Variants in MB21D2 observed in about 807,000 individuals in gnomAD.
MB21D2 encodes the protein Mab-21 domain containing 2.
Under a neutral mutation model 33.3 loss-of-function variants are expected in MB21D2, and 9 were observed. The ratio of observed to expected loss-of-function variants is 0.27; its 90% CI spans 0.16 to 0.47. MB21D2 has a LOEUF of 0.47. MB21D2 is among the 20% of genes least tolerant of loss of function. The pLI, the probability that MB21D2 is intolerant of heterozygous loss-of-function variation, is 0.99. For missense variants in MB21D2, 540 were observed against 624.6 expected, an observed-to-expected ratio of 0.86 and a Z score of 1.44; for synonymous variants, 241 against 236.3, an observed-to-expected ratio of 1.02 and a Z score of -0.18.
At chr3:192,859,190 T>C (rs1054143080) in intron 1 of MB21D2, among the ~76,000 whole-genome samples, 3 of 152,108 alleles carry the variant, frequency 2.0e-5, no homozygotes, top group Non-Finnish European at 4.4e-5. Flanking sequence ...TTCACCTCAA[T>C]GAGAAGAGCA....
chr3:192,894,866 C>T (rs1312543498), intron 1 of MB21D2, among the ~76,000 whole-genome samples: 4 of 152,164 alleles, frequency 2.6e-5, no homozygotes, highest in Non-Finnish European at 5.9e-5. Context: ...CTTTTTCTCA[C>T]CTCATCACAA....
intron 1 of MB21D2, among the ~76,000 whole-genome samples, chr3:192,845,166 T>G (rs1044490733): frequency 6.6e-6 from 1 of 152,192 alleles, no homozygotes; most frequent in Non-Finnish European, 1.5e-5. Flanking sequence ...TACAGAAAAG[T>G]AACAGAAGGA....
chr3:192,839,002 T>C (rs1441224134), intron 1 of MB21D2, among the ~76,000 whole-genome samples: 1 of 152,170 alleles, frequency 6.6e-6, no homozygotes, highest in Non-Finnish European at 1.5e-5. Context: ...TTTCCCACTT[T>C]TAGCTATGTA....
At chr3:192,814,673 T>G (rs574134398) in intron 1 of MB21D2, among the ~76,000 whole-genome samples, 2 of 151,828 alleles carry the variant, frequency 1.3e-5, no homozygotes, top group South Asian at 4.2e-4. Flanking sequence ...CCATCCTGGC[T>G]AACACGGTGA....
Position 192,798,186 on chromosome 3 carries a change from C to A in MB21D2, c.*200G>T, listed in dbSNP as rs190751644. 214 of 566,342 alleles carry A rather than the reference C, an allele frequency of 3.8e-4. No individual in the cohort carries two copies. The highest frequency in any genetic ancestry group is 3.7e-3 in the African/African-American group (197 of 53,558). 35.1% of individuals were successfully genotyped at this position (566,342 alleles called of 1,614,324 possible). ...CATGACAATAACTACAAAAAGTAAA[C>A]AACGAAATCAGAGGCAGAATATGAA... On this transcript the variant is annotated 3_prime_UTR_variant, in exon 2 of 2. Coordinates refer to ENST00000392452, the MANE Select transcript of MB21D2 (RefSeq NM_178496.4). The surrounding 1 kb of genome is among the most constrained non-coding windows in gnomAD (Gnocchi z 4.8).
At chr3:192,901,623 C>T (rs1052357902) in intron 1 of MB21D2, among the ~76,000 whole-genome samples, 1 of 152,076 alleles carries the variant, frequency 6.6e-6, no homozygotes, top group Non-Finnish European at 1.5e-5. Context: ...CATATGCCCT[C>T]GGAAAGCAGG....
At chr3:192,818,523 T>C (rs1711975657) in intron 1 of MB21D2, among the ~76,000 whole-genome samples, 1 of 152,212 alleles carries the variant, frequency 6.6e-6, no homozygotes, top group South Asian at 2.1e-4. Context: ...GTTCAGAAAG[T>C]ATGTGGCTTT....
intron 1 of MB21D2, among the ~76,000 whole-genome samples, chr3:192,812,466 T>C (rs1711809991): frequency 6.6e-6 from 1 of 152,110 alleles, no homozygotes; most frequent in Admixed American, 6.5e-5. Flanking sequence ...AATCAGTAAA[T>C]AGATGGTGGA....
chr3:192,845,887 T>C lies in MB21D2; in HGVS notation c.212-46237A>G, dbSNP rs560075529. Among the ~76,000 whole-genome samples the C allele has an allele frequency of 1.3e-4, 20 of 152,192 alleles. No individual in the cohort carries two copies. The South Asian group carries it at 3.9e-3, about 30-fold the overall frequency. The stretch of plus-strand genomic sequence containing the variant: ...TGAGGCCAGGAGTTCGAGATCAGCC[T>C]GGGCAATACAGTGAGACCCTGTCTC... On this transcript the variant is annotated intron_variant, in intron 1 of 1. Transcript: ENST00000392452.
At chr3:192,805,739 C>T (rs1406253804) in intron 1 of MB21D2, among the ~76,000 whole-genome samples, 1 of 152,122 alleles carries the variant, frequency 6.6e-6, no homozygotes, top group Non-Finnish European at 1.5e-5. Flanking sequence ...AAAAAACAAA[C>T]AAATTGATGA....
At chr3:192,908,049 T>C (rs925218706) in intron 1 of MB21D2, among the ~76,000 whole-genome samples, 4 of 152,292 alleles carry the variant, frequency 2.6e-5, no homozygotes, top group South Asian at 2.1e-4. Flanking sequence ...TTAAGGAATG[T>C]AGAAAAACTT....
At chr3:192,851,375 C>G (rs1476936986) in intron 1 of MB21D2, among the ~76,000 whole-genome samples, 1 of 151,656 alleles carries the variant, frequency 6.6e-6, no homozygotes, top group Non-Finnish European at 1.5e-5. Flanking sequence ...AAGGTGACTG[C>G]TAATGAGTAT....
At chr3:192,814,508 C>A (rs148956764) in intron 1 of MB21D2, among the ~76,000 whole-genome samples, 5 of 152,074 alleles carry the variant, frequency 3.3e-5, no homozygotes, top group Non-Finnish European at 7.4e-5. Context: ...TTTAAAAGCA[C>A]GGGTAGATCA....
intron 1 of MB21D2, among the ~76,000 whole-genome samples, chr3:192,827,131 C>T (rs1052293150): frequency 2.0e-5 from 3 of 152,022 alleles, no homozygotes; most frequent in Non-Finnish European, 2.9e-5. Flanking sequence ...CTCCTGACCT[C>T]GTGATCCACC....
intron 1 of MB21D2, among the ~76,000 whole-genome samples, chr3:192,878,417 T>C (rs2108641576): frequency 6.6e-6 from 1 of 152,328 alleles, no homozygotes; most frequent in Non-Finnish European, 1.5e-5. Context: ...AATAAAAAGC[T>C]TAGCAATTTC....
At chr3:192,905,186 C>T (rs542079043) in intron 1 of MB21D2, among the ~76,000 whole-genome samples, 1 of 152,228 alleles carries the variant, frequency 6.6e-6, no homozygotes, top group Non-Finnish European at 1.5e-5. Flanking sequence ...GGCAGACTTA[C>T]AGTCTGCCTC....
intron 1 of MB21D2, among the ~76,000 whole-genome samples, chr3:192,842,357 G>C (rs1368027989): frequency 1.3e-5 from 2 of 152,172 alleles, no homozygotes; most frequent in Non-Finnish European, 2.9e-5. Flanking sequence ...CTGTGCCTGA[G>C]GACAAAGCTA....
intron 1 of MB21D2, 55 bp downstream of exon 1, chr3:192,917,575 C>A: frequency 1.3e-6 from 2 of 1,590,318 alleles, no homozygotes; most frequent in Non-Finnish European, 8.6e-7. Context: ...GTTTTCTACT[C>A]CGCTTCCCAT....
At chr3:192,917,525 A>G in intron 1 of MB21D2, 105 bp downstream of exon 1, 1 of 1,246,562 alleles carries the variant, frequency 8.0e-7, no homozygotes. Flanking sequence ...CCGGCTCGGG[A>G]AGGCAACCCA....
Sources: gnomAD v4.1 joint callset for allele counts (sites outside exome capture counted in the v4.1 genomes callset) on GRCh38, gnomAD v4.1.1 for gene constraint, Gnocchi (gnomAD v3.1) non-coding constraint, MANE v1.5 for transcripts, NCBI Gene and HGNC (gene_info 2026-07-23, HGNC 2026-07-21) for gene names.